Variants in CEP350 observed in about 807,000 individuals in gnomAD.
CEP350 encodes the protein centrosome-associated protein 350.
CEP350 carries 126 observed loss-of-function variants against 331.8 expected under a neutral mutation model. The observed-to-expected ratio is 0.38, with a 90% CI of 0.33 to 0.44. The LOEUF is 0.44. Among genes scored for constraint, CEP350 ranks in the 20% least tolerant of loss-of-function variants. CEP350 has a pLI of 1.00. For synonymous variants in CEP350, 1,200 were observed against 1,259.5 expected, an observed-to-expected ratio of 0.95 and a Z score of 1.00; for missense variants, 3,406 against 3,634.6, an observed-to-expected ratio of 0.94 and a Z score of 1.62.
chr1:179,989,179 G>A (rs1304896415), intron 3 of CEP350, among the ~76,000 whole-genome samples: 1 of 151,820 alleles, frequency 6.6e-6, no homozygotes. Flanking sequence ...AAGGCTGGGC[G>A]CAGTGTCTCA....
chr1:180,051,755 A>G (rs557453288), intron 22 of CEP350, among the ~76,000 whole-genome samples: 5 of 152,200 alleles, frequency 3.3e-5, no homozygotes, highest in Non-Finnish European at 7.4e-5. Flanking sequence ...GATCTAAGTA[A>G]GTAACTTTGG....
chr1:180,006,644 C>A, intron 8 of CEP350, 77 bp downstream of exon 8: 1 of 777,920 alleles, frequency 1.3e-6, no homozygotes, highest in Non-Finnish European at 2.2e-6. Flanking sequence ...TTTTGGGATA[C>A]ATGTGCAGAA....
Position 180,033,987 on chromosome 1 carries a change from C to G in CEP350, c.3851C>G (p.Pro1284Arg). Reference sequence around the variant, plus strand: ...GAAAGATCTAAGTCGTCAGTAATGCCTCCAACTATAACAGGATTTAAGCCT... The same window carrying G: ...GAAAGATCTAAGTCGTCAGTAATGCGTCCAACTATAACAGGATTTAAGCCT... ...SSERSKSSVM[P>R]PTITGFKPNA... The change falls in exon 16 of 38, where the codon CCT becomes CGT. Residue 1284 changes from proline (P) to arginine (R), a missense_variant. By Grantham distance (103) the Pro-to-Arg change is moderately radical (BLOSUM62 -2). Transcript: ENST00000367607. 6 of 1,613,836 alleles carry G rather than the reference C, an allele frequency of 3.7e-6. No individual in the cohort carries two copies. Among genetic ancestry groups the G allele is most frequent in the Non-Finnish European group, 5.1e-6 (6 of 1,179,820 alleles).
At chr1:180,107,153 T>A (rs565893780) in intron 37 of CEP350, among the ~76,000 whole-genome samples, 1 of 152,334 alleles carries the variant, frequency 6.6e-6, no homozygotes, top group African/African-American at 2.4e-5. Flanking sequence ...TATATTTATA[T>A]AGCACCTTCT....
chr1:179,977,803 A>G (rs992517397), intron 1 of CEP350, among the ~76,000 whole-genome samples: 1 of 151,966 alleles, frequency 6.6e-6, no homozygotes, highest in East Asian at 1.9e-4. Flanking sequence ...TTAATTTTTT[A>G]AAACTTTTTG....
chr1:180,044,227 G>T, intron 21 of CEP350, 54 bp downstream of exon 21: 1 of 1,433,536 alleles, frequency 7.0e-7, no homozygotes, highest in Non-Finnish European at 9.2e-7. Flanking sequence ...GTGATAAATG[G>T]CTTAAACATT....
At chr1:180,088,328 A>G (rs930994581) in intron 32 of CEP350, among the ~76,000 whole-genome samples, 2 of 152,058 alleles carry the variant, frequency 1.3e-5, no homozygotes, top group Admixed American at 6.6e-5. Flanking sequence ...TCAGGTTATC[A>G]TATTTAAATT....
chr1:180,088,585 G>A (rs1659996516), intron 32 of CEP350, among the ~76,000 whole-genome samples: 1 of 152,148 alleles, frequency 6.6e-6, no homozygotes, highest in Non-Finnish European at 1.5e-5. Flanking sequence ...AGCCTTTGAA[G>A]GTTTCTTTAA....
Position 180,098,917 on chromosome 1 carries a change from C to T in CEP350, c.9121C>T (p.His3041Tyr), listed in dbSNP as rs1293649240. 3 of 1,613,164 alleles carry T rather than the reference C, an allele frequency of 1.9e-6. No individual in the cohort carries two copies. The highest frequency in any genetic ancestry group is 2.5e-6 in the Non-Finnish European group (3 of 1,179,516). ...GTTCAGTCTTAAAAAGGAGCCAAACCACAAAACAGATTGGCAGAAAATGAT... is the reference window on the plus strand; with the variant it reads ...GTTCAGTCTTAAAAAGGAGCCAAACTACAAAACAGATTGGCAGAAAATGAT... ...KLFSLKKEPNHKTDWQKMMKF... is the reference protein window; with the variant it reads ...KLFSLKKEPNYKTDWQKMMKF... Residue 3041 changes from histidine (H) to tyrosine (Y), a missense_variant, in exon 37 of 38, where the codon CAC (histidine) becomes TAC (tyrosine). By Grantham distance (83) the His-to-Tyr change is moderately conservative. Around this residue, in one of 5 missense-constraint regions of CEP350, gnomAD observed 1,415 missense variants for 1,512.3 expected, o/e 0.94. Transcript: ENST00000367607.
chr1:179,987,868 G>A (rs1273195300), intron 3 of CEP350, among the ~76,000 whole-genome samples: 5 of 152,070 alleles, frequency 3.3e-5, no homozygotes, highest in South Asian at 2.1e-4. Flanking sequence ...TTGAGGCTTC[G>A]AGGTTGCAGT....
At chr1:180,040,264 G>C (rs1656672402) in intron 17 of CEP350, among the ~76,000 whole-genome samples, 1 of 152,024 alleles carries the variant, frequency 6.6e-6, no homozygotes, top group Non-Finnish European at 1.5e-5. Context: ...TTTGTTGATA[G>C]TCATTTTATT....
chr1:180,057,000 TAA>T (rs1657891280), intron 25 of CEP350, among the ~76,000 whole-genome samples: 2 of 152,214 alleles, frequency 1.3e-5, no homozygotes, highest in African/African-American at 2.4e-5. Context: ...AGTGAGTTCT[TAA>T]TTCGATTTGT....
intron 1 of CEP350, among the ~76,000 whole-genome samples, chr1:179,974,962 G>C (rs532100856): frequency 7.9e-5 from 12 of 152,094 alleles, no homozygotes; most frequent in African/African-American, 2.9e-4. Context: ...CTGTACTCCA[G>C]CCTGGGTGAC....
chr1:180,042,130 TCTCACACA>T (rs1656799877), intron 19 of CEP350, among the ~76,000 whole-genome samples: 1 of 69,114 alleles, frequency 1.4e-5, no homozygotes, highest in South Asian at 5.1e-4. Flanking sequence ...GTGAGTTTTC[TCTCACACA>T]CACACACACA....
In CEP350 at chr1:180,112,319, G is replaced by A. The variant is rs1558168712; in HGVS notation, c.*1158G>A. 6.6e-6 allele frequency: 1 copy of A among 152,498 alleles called. No individual in the cohort carries two copies. Among genetic ancestry groups the A allele is most frequent in the Non-Finnish European group, 1.5e-5 (1 of 68,044 alleles). 9.4% of individuals were successfully genotyped at this position (152,498 alleles called of 1,614,324 possible). ...GTTTTAACAAACCAATACACATATT[G>A]AAGAAGTCATTTTAATTCAGTGAAA... On this transcript the variant is annotated 3_prime_UTR_variant, in exon 38 of 38. Coordinates refer to ENST00000367607, the MANE Select transcript of CEP350 (RefSeq NM_014810.5).
chr1:180,068,126 T>C (rs1658656732), intron 27 of CEP350, among the ~76,000 whole-genome samples: 1 of 152,228 alleles, frequency 6.6e-6, no homozygotes, highest in Admixed American at 6.5e-5. Context: ...ACCTTTTCAT[T>C]TTATAACTTT....
At chr1:180,095,490 T>C in intron 34 of CEP350, 33 bp from the exon 35 acceptor site, 1 of 1,576,618 alleles carries the variant, frequency 6.3e-7, no homozygotes, top group Middle Eastern at 1.7e-4. Context: ...GGTCCCTAAA[T>C]GGTGCTCTGT....
intron 27 of CEP350, among the ~76,000 whole-genome samples, chr1:180,070,440 T>G (rs149970945): frequency 2.6e-4 from 40 of 152,340 alleles, no homozygotes; most frequent in African/African-American, 9.1e-4. Context: ...TCTGGCAGTC[T>G]TTTGAGGTAC....
At chr1:180,080,419 T>C in intron 29 of CEP350, 98 bp from the exon 30 acceptor site, 1 of 1,058,578 alleles carries the variant, frequency 9.4e-7, no homozygotes, top group Non-Finnish European at 1.4e-6. Context: ...TTAAATTCTT[T>C]GTAAATGTTA....
Sources: allele counts gnomAD v4.1 joint callset (sites outside exome capture counted in the v4.1 genomes callset), GRCh38; gene constraint gnomAD v4.1.1; regional missense constraint gnomAD v4.1.1; transcripts MANE v1.5; gene names NCBI Gene and HGNC (gene_info 2026-07-23, HGNC 2026-07-21).